AFF2: variants seen among roughly 807,000 people sequenced by gnomAD.
The protein encoded by AFF2 is ALF transcription elongation factor 2.
In AFF2, 14 loss-of-function variants were observed where a neutral mutation model predicts 76.9. The observed-to-expected ratio is 0.18, with a 90% CI of 0.12 to 0.28. AFF2 has a LOEUF of 0.28. AFF2 is among the 10% of genes least tolerant of loss of function. The pLI is 1.00. For missense variants in AFF2, 868 were observed against 1,001.1 expected (o/e 0.87, Z 1.79); for synonymous variants, 398 against 366.7 (o/e 1.09, Z -0.98).
intron 1 of AFF2, among the ~76,000 whole-genome samples, chrX:148,587,811 G>A (rs782216553): frequency 8.9e-6 from 1 of 112,060 alleles, no homozygotes; most frequent in South Asian, 3.7e-4. Flanking sequence ...AGTTTTTCAG[G>A]CATGCTTAGA....
In AFF2 at chrX:148,984,730, T is replaced by C. The variant is rs782274574; in HGVS notation, c.3624-2637T>C. 1.1e-3 allele frequency among the ~76,000 whole-genome samples: 126 copies of C among 111,911 alleles called. 1 individual carries two copies. The highest frequency in any genetic ancestry group is 3.9e-3 in the African/African-American group (121 of 30,840). On this transcript the variant is annotated intron_variant, in intron 19 of 20. Transcript: ENST00000370460. ...AGTCCCCAATAACACTTCAGTGTAA[T>C]AAAGTAAAAAGGGCTTTTCAAGATG... is the stretch of plus-strand genomic sequence containing the variant.
chrX:148,742,211 A>G (rs961941736), intron 3 of AFF2, among the ~76,000 whole-genome samples: 5 of 112,374 alleles, frequency 4.4e-5, no homozygotes, highest in African/African-American at 1.6e-4. Context: ...GTTACAATCA[A>G]GATGATAACT....
chrX:148,676,267 C>T (rs893637952), intron 3 of AFF2, among the ~76,000 whole-genome samples: 2 of 109,321 alleles, frequency 1.8e-5, no homozygotes, highest in African/African-American at 3.3e-5. Context: ...ACCATGGTCT[C>T]GATCTCCTGA....
intron 2 of AFF2, 125 bp downstream of exon 2, chrX:148,652,256 G>T: frequency 1.9e-6 from 1 of 525,000 alleles, no homozygotes; most frequent in Non-Finnish European, 3.1e-6. Context: ...AGTGAAATTT[G>T]TACATACACT....
At chrX:148,525,499 G>A (rs2052648272) in intron 1 of AFF2, among the ~76,000 whole-genome samples, 1 of 111,389 alleles carries the variant, frequency 9.0e-6, no homozygotes, top group African/African-American at 3.3e-5. Context: ...TTATCATTTA[G>A]CTTATCTATA....
intron 9 of AFF2, among the ~76,000 whole-genome samples, chrX:148,917,310 G>A (rs1204115430): frequency 4.5e-5 from 5 of 111,712 alleles, no homozygotes; most frequent in Non-Finnish European, 9.4e-5. Flanking sequence ...ATGAATGGGG[G>A]TTAGTGCATG....
intron 9 of AFF2, among the ~76,000 whole-genome samples, chrX:148,933,183 G>A (rs1434517609): frequency 2.7e-5 from 3 of 111,875 alleles, no homozygotes; most frequent in Non-Finnish European, 5.6e-5. Context: ...AAAAGGAATA[G>A]CACGTGCAAA....
intron 3 of AFF2, among the ~76,000 whole-genome samples, chrX:148,750,733 A>G (rs2055487585): frequency 8.9e-6 from 1 of 112,114 alleles, no homozygotes; most frequent in Non-Finnish European, 1.9e-5. Context: ...TAATATTTAT[A>G]GGGTTAAATA....
intron 1 of AFF2, among the ~76,000 whole-genome samples, chrX:148,565,714 C>T (rs1262032514): frequency 2.7e-5 from 3 of 110,918 alleles, no homozygotes; most frequent in African/African-American, 9.8e-5. Flanking sequence ...ACATTCCACA[C>T]AATCAACTGA....
intron 7 of AFF2, among the ~76,000 whole-genome samples, chrX:148,858,309 A>G (rs1490058658): frequency 1.8e-5 from 2 of 111,665 alleles, no homozygotes; most frequent in Non-Finnish European, 3.8e-5. Context: ...ACAATTTTAC[A>G]TGGGAGATAA....
intron 3 of AFF2, among the ~76,000 whole-genome samples, chrX:148,776,769 G>A (rs781791798): frequency 9.0e-6 from 1 of 111,337 alleles, no homozygotes; most frequent in Admixed American, 9.5e-5. Context: ...TTTGTCAGAT[G>A]GATAGATTGC....
At chrX:148,691,419 G>T (rs1350075793) in intron 3 of AFF2, among the ~76,000 whole-genome samples, 1 of 111,926 alleles carries the variant, frequency 8.9e-6, no homozygotes, top group African/African-American at 3.3e-5. Context: ...TTGCCATTCT[G>T]GTCTGAAGAA....
intron 1 of AFF2, among the ~76,000 whole-genome samples, chrX:148,562,278 T>C (rs2053122125): frequency 8.9e-6 from 1 of 112,105 alleles, no homozygotes; most frequent in East Asian, 2.8e-4. Context: ...AGCTGTGTAT[T>C]GATTTAGTGT....
chrX:148,909,246 C>T (rs1427850770), intron 9 of AFF2, among the ~76,000 whole-genome samples: 1 of 112,113 alleles, frequency 8.9e-6, no homozygotes, highest in Admixed American at 9.4e-5. Flanking sequence ...ATTGATGCCT[C>T]AGAAACAAAT....
At chrX:148,688,286 C>T (rs1255037992) in intron 3 of AFF2, among the ~76,000 whole-genome samples, 3 of 111,451 alleles carry the variant, frequency 2.7e-5, no homozygotes, top group Non-Finnish European at 5.6e-5. Context: ...CTGGAGATCC[C>T]CTTGTGACCT....
At chrX:148,985,019 C>A (rs781943599) in intron 19 of AFF2, among the ~76,000 whole-genome samples, 1 of 110,263 alleles carries the variant, frequency 9.1e-6, no homozygotes, top group Non-Finnish European at 1.9e-5. Flanking sequence ...GAGATGGAGT[C>A]TCACTCTGTC....
At chrX:148,767,252 T>G in intron 3 of AFF2, among the ~76,000 whole-genome samples, 1 of 111,139 alleles carries the variant, frequency 9.0e-6, no homozygotes, top group South Asian at 3.8e-4. Flanking sequence ...TTAATGTGGT[T>G]GGATGATGTA....
At chrX:148,792,645 G>A (rs1380294925) in intron 3 of AFF2, among the ~76,000 whole-genome samples, 7 of 112,036 alleles carry the variant, frequency 6.2e-5, no homozygotes, top group Non-Finnish European at 1.1e-4. Flanking sequence ...AGAATTCTGT[G>A]TGCCCTGGAG....
At chrX:148,732,994 T>A (rs2055245612) in intron 3 of AFF2, among the ~76,000 whole-genome samples, 1 of 111,347 alleles carries the variant, frequency 9.0e-6, no homozygotes, top group Non-Finnish European at 1.9e-5. Context: ...ATTTGATCTT[T>A]GGTCAAGAGG....
Sources: allele counts gnomAD v4.1 joint callset (sites outside exome capture counted in the v4.1 genomes callset), GRCh38; gene constraint gnomAD v4.1.1; transcripts MANE v1.5; gene names NCBI Gene and HGNC (gene_info 2026-07-23, HGNC 2026-07-21).